GALNS: variants seen among roughly 807,000 people sequenced by gnomAD.
The protein encoded by GALNS is galactosamine (N-acetyl)-6-sulfatase.
In GALNS, 65 loss-of-function variants were observed where a neutral mutation model predicts 65.9. The ratio of observed to expected loss-of-function variants is 0.99; its 90% CI spans 0.81 to 1.21. GALNS has a LOEUF of 1.21. Ranked by LOEUF, GALNS falls within the 50% of genes most tolerant of loss-of-function variation. The pLI is 0.00. For synonymous variants in GALNS, 346 were observed against 288.9 expected (o/e 1.20, Z -2.00); for missense variants, 776 against 700.7 (o/e 1.11, Z -1.21).
intron 9 of GALNS, 92 bp downstream of exon 9, chr16:88,831,906 C>T: frequency 1.9e-6 from 2 of 1,049,074 alleles, no homozygotes; most frequent in South Asian, 2.6e-5. Context: ...GCACGGGGTG[C>T]ATGGGGGAGG....
chr16:88,834,112 C>T lies in GALNS; in HGVS notation c.898+1101G>A, dbSNP rs369998456. 5.3e-5 allele frequency among the ~76,000 whole-genome samples: 8 copies of T among 152,276 alleles called. 1 individual carries two copies. The East Asian group carries it at 9.7e-4, about 18-fold the overall frequency. On this transcript the variant is annotated intron_variant, in intron 8 of 13. Coordinates refer to ENST00000268695, the MANE Select transcript of GALNS (RefSeq NM_000512.5). ...GACTCGTGGGTCTGACTCCAGTGGG[C>T]GGGAGATGGAGCTGTCCGGAGGGCC...
intron 1 of GALNS, among the ~76,000 whole-genome samples, chr16:88,847,422 C>T (rs1967299905): frequency 6.6e-6 from 1 of 152,200 alleles, no homozygotes. Flanking sequence ...TCACCCCATC[C>T]AGCCTCCTCC....
chr16:88,851,879 C>T (rs1225035046), intron 1 of GALNS, among the ~76,000 whole-genome samples: 1 of 152,264 alleles, frequency 6.6e-6, no homozygotes, highest in Non-Finnish European at 1.5e-5. Flanking sequence ...GCAGAGCCCA[C>T]CGCAGCTCTG....
At chr16:88,846,823 G>A (rs868106535) in intron 1 of GALNS, among the ~76,000 whole-genome samples, 2 of 152,222 alleles carry the variant, frequency 1.3e-5, no homozygotes, top group Middle Eastern at 3.4e-3. Context: ...GATTACAGGT[G>A]TGAGCACTGT....
intron 12 of GALNS, 146 bp from the exon 13 acceptor site, chr16:88,818,270 C>T (rs1016689903): frequency 3.6e-5 from 26 of 722,232 alleles, no homozygotes; most frequent in South Asian, 2.1e-4. Flanking sequence ...AAGCCTGCAG[C>T]GGCCCCGGGC....
chr16:88,853,759 G>A (rs529952582), intron 1 of GALNS, among the ~76,000 whole-genome samples: 20 of 152,282 alleles, frequency 1.3e-4, no homozygotes, highest in Middle Eastern at 3.4e-3. Context: ...AAGCCAGGCC[G>A]CGCTGGACCG....
intron 1 of GALNS, among the ~76,000 whole-genome samples, chr16:88,846,461 T>G (rs1967246940): frequency 6.6e-6 from 1 of 151,318 alleles, no homozygotes; most frequent in Admixed American, 6.6e-5. Flanking sequence ...TGCCCACACC[T>G]TGAGCTCAGA....
chr16:88,816,582 G>A (rs1909652410), intron 13 of GALNS: 1 of 982,560 alleles, frequency 1.0e-6, no homozygotes, highest in Non-Finnish European at 1.2e-6. Flanking sequence ...ACCCTGCAGG[G>A]TGGACTGTCC....
chr16:88,832,944 C>T (rs562708744), intron 8 of GALNS, among the ~76,000 whole-genome samples: 12 of 151,802 alleles, frequency 7.9e-5, no homozygotes, highest in South Asian at 6.2e-4. Context: ...CTGGGTGTGG[C>T]GGCACGTCCT....
intron 8 of GALNS, among the ~76,000 whole-genome samples, chr16:88,832,521 G>A (rs368560622): frequency 1.3e-5 from 2 of 152,266 alleles, no homozygotes; most frequent in East Asian, 3.9e-4. Context: ...AGTCAGTCAC[G>A]GTGGGGCGTA....
intron 13 of GALNS, 25 bp from the exon 14 acceptor site, chr16:88,814,550 G>T: frequency 2.6e-6 from 4 of 1,551,034 alleles, no homozygotes; most frequent in East Asian, 4.9e-5. Context: ...TTGAGAAAAA[G>T]AACATGCAGT....
At chr16:88,850,066 C>T (rs1024323200) in intron 1 of GALNS, among the ~76,000 whole-genome samples, 7 of 152,240 alleles carry the variant, frequency 4.6e-5, no homozygotes, top group African/African-American at 1.2e-4. Context: ...TCCACCTCCC[C>T]GAGTGCAGAT....
intron 1 of GALNS, 179 bp from the exon 2 acceptor site, chr16:88,843,008 G>GC: frequency 6.6e-7 from 1 of 1,526,356 alleles, no homozygotes; most frequent in Non-Finnish European, 8.7e-7. Flanking sequence ...GCACGATGGG[G>GC]CCGCTCCACG....
chr16:88,845,743 C>CA lies in GALNS; in HGVS notation c.121-2915dup, dbSNP rs113867932. 308 of 97,098 alleles carry CA rather than the reference C, an allele frequency of 3.2e-3. 1 individual carries two copies. Among genetic ancestry groups the CA allele is most frequent in the South Asian group, 0.027 (83 of 3,040 alleles). The allele number at this position is 97,098 out of a possible 1,614,324, so 6.0% of individuals were successfully genotyped here. A position where few individuals can be genotyped will look rare whatever the true frequency, so the allele number is the denominator to read the frequency against. On this transcript the variant is annotated intron_variant, in intron 1 of 13. Coordinates refer to ENST00000268695, the MANE Select transcript of GALNS (RefSeq NM_000512.5). Reference sequence around the variant, plus strand: ...TGGGTGACAGAGCAAGACTCCGTCTCAAAAAAAAAAAAAGGGCATGAGAGG... The same window carrying CA: ...TGGGTGACAGAGCAAGACTCCGTCTCAAAAAAAAAAAAAAGGGCATGAGAGG...
chr16:88,854,483 G>A (rs1317591552), intron 1 of GALNS, among the ~76,000 whole-genome samples: 2 of 152,222 alleles, frequency 1.3e-5, no homozygotes, highest in Non-Finnish European at 2.9e-5. Context: ...CTCTCTGCTG[G>A]GTCCAGGCAG....
intron 1 of GALNS, 195 bp downstream of exon 1, chr16:88,856,563 C>T: frequency 1.6e-6 from 1 of 644,324 alleles, no homozygotes; most frequent in Admixed American, 2.1e-5. Flanking sequence ...AGGGGCCTCC[C>T]CCTCCCCGCA....
intron 13 of GALNS, chr16:88,814,929 C>T (rs950168175): frequency 6.7e-6 from 4 of 595,932 alleles, no homozygotes; most frequent in Non-Finnish European, 8.4e-6. Context: ...GACAAGGGTT[C>T]CCCAAGTTGG....
intron 8 of GALNS, 124 bp downstream of exon 8, chr16:88,835,089 G>A (rs1033439487): frequency 4.0e-5 from 50 of 1,261,332 alleles, no homozygotes; most frequent in African/African-American, 7.4e-5. Context: ...TGCTCCTCCC[G>A]CTGGACCCAG....
chr16:88,835,597 A>G, intron 7 of GALNS, 128 bp downstream of exon 7: 1 of 1,456,786 alleles, frequency 6.9e-7, no homozygotes, highest in Non-Finnish European at 9.5e-7. Flanking sequence ...GGACGGCTTC[A>G]AAGGGGTGGG....
Sources: gnomAD v4.1 joint callset for allele counts (sites outside exome capture counted in the v4.1 genomes callset) on GRCh38, gnomAD v4.1.1 for gene constraint, MANE v1.5 for transcripts, NCBI Gene and HGNC (gene_info 2026-07-23, HGNC 2026-07-21) for gene names.